Variants in VPS33A observed in about 807,000 individuals in gnomAD.
VPS33A encodes vacuolar protein sorting-associated protein 33A.
VPS33A carries 32 observed loss-of-function variants against 71.8 expected under a neutral mutation model. The ratio of observed to expected loss-of-function variants is 0.45; its 90% CI spans 0.34 to 0.60. VPS33A has a LOEUF of 0.60. Ranked by LOEUF, VPS33A falls within the 20% of genes least tolerant of loss-of-function variation. The pLI, the probability that VPS33A is intolerant of heterozygous loss-of-function variation, is 0.02. For synonymous variants in VPS33A, 311 were observed against 292.7 expected, an observed-to-expected ratio of 1.06 and a Z score of -0.64; for missense variants, 625 against 748.5, an observed-to-expected ratio of 0.84 and a Z score of 1.92.
At chr12:122,248,691 C>T (rs564557226) in intron 6 of VPS33A, 2 of 152,342 alleles carry the variant, frequency 1.3e-5, no homozygotes, top group East Asian at 1.9e-4. Flanking sequence ...TGTATGATGC[C>T]GACTGCCCCT....
chr12:122,242,328 CGTT>C, intron 8 of VPS33A, 51 bp downstream of exon 8: 2 of 1,589,476 alleles, frequency 1.3e-6, no homozygotes, highest in Admixed American at 1.7e-5. Flanking sequence ...AGGTGTCAAA[CGTT>C]GTATGTGCAA....
At chr12:122,233,223 T>A (rs1266241150) in intron 11 of VPS33A, among the ~76,000 whole-genome samples, 1 of 142,642 alleles carries the variant, frequency 7.0e-6, no homozygotes, top group African/African-American at 3.0e-5. Context: ...TGGTTTGGCA[T>A]GAAACTTTTT....
chr12:122,252,655 T>C (rs1229186477), intron 4 of VPS33A, among the ~76,000 whole-genome samples: 4 of 152,088 alleles, frequency 2.6e-5, no homozygotes, highest in Admixed American at 6.5e-5. Flanking sequence ...TTGATACAGG[T>C]GGATCAAAAC....
chr12:122,258,682 A>G (rs1260716041), intron 4 of VPS33A, among the ~76,000 whole-genome samples: 2 of 152,052 alleles, frequency 1.3e-5, no homozygotes, highest in Non-Finnish European at 2.9e-5. Flanking sequence ...TAGGATGACT[A>G]AATTCAAAGA....
intron 9 of VPS33A, among the ~76,000 whole-genome samples, chr12:122,239,606 C>A (rs766474644): frequency 6.6e-6 from 1 of 151,830 alleles, no homozygotes; most frequent in Non-Finnish European, 1.5e-5. Context: ...TGGTGGTGAG[C>A]GCCTGTAGTC....
intron 4 of VPS33A, among the ~76,000 whole-genome samples, chr12:122,260,933 C>T (rs1566052501): frequency 6.6e-6 from 1 of 152,206 alleles, no homozygotes; most frequent in Non-Finnish European, 1.5e-5. Flanking sequence ...TGAGATCGCG[C>T]CACTGCGCTC....
intron 8 of VPS33A, chr12:122,241,087 T>C (rs1431218143): frequency 2.0e-5 from 3 of 150,562 alleles, no homozygotes; most frequent in Admixed American, 6.6e-5. Flanking sequence ...TGAGCCAAGA[T>C]TGTGCCATTG....
chr12:122,250,087 C>T (rs753655417), intron 5 of VPS33A, 42 bp from the exon 6 acceptor site: 4 of 1,524,040 alleles, frequency 2.6e-6, no homozygotes, highest in South Asian at 2.6e-5. Context: ...CCCCTGGGAA[C>T]AAGCAGATTT....
rs369543143 is a variant in VPS33A at position 122,235,737 on chromosome 12, C to T, written c.1440+49G>A. The T allele has an allele frequency of 1.4e-5, 21 of 1,544,450 alleles. No homozygotes were observed. In the Middle Eastern group the frequency reaches 5.2e-4, roughly 38 times the overall value. On this transcript the variant is annotated intron_variant, in intron 11 of 12. Coordinates refer to ENST00000267199, the MANE Select transcript of VPS33A (RefSeq NM_022916.6). ...TCAGAAGCATGTGTTGTCACCTGGA[C>T]GATCTAACCAGTCCCTAAGCTGAGA...
rs1362452911 is a variant in VPS33A at position 122,232,131 on chromosome 12, C to A, written c.*115G>T. On this transcript the variant is annotated 3_prime_UTR_variant, in exon 13 of 13. Coordinates refer to ENST00000267199, the MANE Select transcript of VPS33A (RefSeq NM_022916.6). The stretch of plus-strand genomic sequence containing the variant: ...AGTAGTATAATTTAAGAAGCTGACC[C>A]CAGAATATATTCTGTATTCCCATGT... 8 of 1,002,724 alleles carry A rather than the reference C, an allele frequency of 8.0e-6. No homozygotes were observed. Among genetic ancestry groups the A allele is most frequent in the Non-Finnish European group, 1.2e-5 (8 of 689,022 alleles). The allele number at this position is 1,002,724 out of a possible 1,614,324, so 62.1% of individuals were successfully genotyped here.
intron 7 of VPS33A, among the ~76,000 whole-genome samples, chr12:122,243,565 T>C (rs1338214131): frequency 6.6e-6 from 1 of 152,240 alleles, no homozygotes; most frequent in Non-Finnish European, 1.5e-5. Flanking sequence ...GTATAGTCTA[T>C]GAACAAAGCG....
rs527519700 is a variant in VPS33A at position 122,242,622 on chromosome 12, G to A, written c.970-114C>T. 99 of 1,320,548 alleles carry A rather than the reference G, an allele frequency of 7.5e-5. 3 individuals carry two copies. In the South Asian group the frequency reaches 1.4e-3, roughly 19 times the overall value. The allele number at this position is 1,320,548 out of a possible 1,614,324, so 81.8% of individuals were successfully genotyped here. ...GGCTGGAGTGCAGTGGCGCAATCTC[G>A]GCTCACTGCAACCTCCGCCTCCCAG... is the stretch of plus-strand genomic sequence containing the variant. On this transcript the variant is annotated intron_variant, in intron 7 of 12. Coordinates refer to ENST00000267199, the MANE Select transcript of VPS33A (RefSeq NM_022916.6).
At chr12:122,250,237 T>C in intron 5 of VPS33A, 192 bp from the exon 6 acceptor site, 1 of 564,484 alleles carries the variant, frequency 1.8e-6, no homozygotes, top group Non-Finnish European at 3.0e-6. Flanking sequence ...CCAAGGCAGC[T>C]GCCATTTGCC....
chr12:122,255,707 CAAA>C (rs71082953), intron 4 of VPS33A, among the ~76,000 whole-genome samples: 1 of 35,470 alleles, frequency 2.8e-5, no homozygotes, highest in Non-Finnish European at 4.9e-5. Flanking sequence ...GACTCCGTCT[CAAA>C]AAAAAAAAAA....
intron 4 of VPS33A, 41 bp from the exon 5 acceptor site, chr12:122,251,140 C>T (rs767773096): frequency 5.7e-6 from 8 of 1,407,914 alleles, no homozygotes; most frequent in Non-Finnish European, 1.0e-6. Context: ...CCATGGGGGC[C>T]TCCCAGGGGC....
rs553339014 is a variant in VPS33A, at chr12:122,233,486, A to G, written c.1441-518T>C. Reference sequence around the variant, plus strand: ...GGTGATCCACCTGCCTCGGCCTCCCAAAGTGTTGGGATTACAGGCCTGAGC... The same window carrying G: ...GGTGATCCACCTGCCTCGGCCTCCCGAAGTGTTGGGATTACAGGCCTGAGC... On this transcript the variant is annotated intron_variant, in intron 11 of 12. Coordinates refer to ENST00000267199, the MANE Select transcript of VPS33A (RefSeq NM_022916.6). 5.3e-5 allele frequency among the ~76,000 whole-genome samples: 8 copies of G among 152,258 alleles called. No individual in the cohort carries two copies. In the East Asian group the frequency reaches 1.5e-3, roughly 29 times the overall value.
At chr12:122,247,883 A>T (rs866442793) in intron 6 of VPS33A, among the ~76,000 whole-genome samples, 2 of 152,056 alleles carry the variant, frequency 1.3e-5, no homozygotes, top group Non-Finnish European at 2.9e-5. Flanking sequence ...TTAAATATTT[A>T]AAAAAATTTT....
chr12:122,250,759 C>T (rs1003900113), intron 5 of VPS33A, among the ~76,000 whole-genome samples: 2 of 152,156 alleles, frequency 1.3e-5, no homozygotes, highest in Non-Finnish European at 2.9e-5. Context: ...TGGGAACATG[C>T]GCAGTGGTTA....
intron 4 of VPS33A, among the ~76,000 whole-genome samples, chr12:122,255,380 G>A (rs769228129): frequency 1.3e-5 from 2 of 152,114 alleles, no homozygotes; most frequent in Non-Finnish European, 2.9e-5. Context: ...GTAGGATTTC[G>A]TGTAAGCAAA....
Sources: allele counts gnomAD v4.1 joint callset (sites outside exome capture counted in the v4.1 genomes callset), GRCh38; gene constraint gnomAD v4.1.1; transcripts MANE v1.5; gene names NCBI Gene and HGNC (gene_info 2026-07-23, HGNC 2026-07-21).